Variants in GRIN2B observed in about 807,000 individuals in gnomAD.
The protein encoded by GRIN2B is glutamate receptor ionotropic, NMDA 2B.
GRIN2B carries 5 observed loss-of-function variants against 114.5 expected under a neutral mutation model. That is an observed-to-expected ratio of 0.04 (90% CI 0.02 to 0.09). The LOEUF (loss-of-function observed/expected upper bound fraction) is 0.09. Among genes scored for constraint, GRIN2B ranks in the 10% least tolerant of loss-of-function variants. The pLI is 1.00. For missense variants in GRIN2B, 1,108 were observed against 1,943.5 expected (o/e 0.57, Z 8.08); for synonymous variants, 787 against 745.1 (o/e 1.06, Z -0.92).
intron 10 of GRIN2B, among the ~76,000 whole-genome samples, chr12:13,605,551 T>TCTCTCTCTCTCACACA: frequency 4.9e-4 from 15 of 30,486 alleles, no homozygotes; most frequent in African/African-American, 8.3e-4. Flanking sequence ...TCTCTCTCTC[T>TCTCTCTCTCTCACACA]GACACACACA....
Position 13,563,000 on chromosome 12 carries a change from C to T in GRIN2B, c.4238G>A (p.Gly1413Glu), listed in dbSNP as rs1225366726. 2.5e-6 allele frequency: 4 copies of T among 1,613,502 alleles called. No homozygotes were observed. Among genetic ancestry groups the T allele is most frequent in the South Asian group, 1.1e-5 (1 of 91,078 alleles). The change falls in exon 14 of 14, where the codon GGG becomes GAG. Residue 1413 changes from glycine (G) to glutamate (E), a missense_variant. By Grantham distance (98) the Gly-to-Glu change is moderately conservative. Around this residue, in one of 19 missense-constraint regions of GRIN2B, gnomAD observed 478 missense variants for 506.0 expected, o/e 0.94. Transcript: ENST00000609686. ...SYFFRQPTVAGASKARPDFRA... is the reference protein window; with the variant it reads ...SYFFRQPTVAEASKARPDFRA... ...GAAGTCCGGCCTGGCTTTCGACGCC[C>T]CCGCCACCGTGGGCTGCCTGAAGAA... is the stretch of plus-strand genomic sequence containing the variant.
chr12:13,803,574 T>G (rs1864552386), intron 3 of GRIN2B, among the ~76,000 whole-genome samples: 1 of 152,176 alleles, frequency 6.6e-6, no homozygotes, highest in Admixed American at 6.6e-5. Flanking sequence ...AAATCTATGC[T>G]ACTATAATGT....
At chr12:13,700,309 A>G (rs924972051) in intron 4 of GRIN2B, among the ~76,000 whole-genome samples, 1 of 152,200 alleles carries the variant, frequency 6.6e-6, no homozygotes, top group Admixed American at 6.5e-5. Context: ...TTTTTCTACT[A>G]CAATGAGAAC....
At chr12:13,908,635 G>T (rs11055681) in intron 2 of GRIN2B, among the ~76,000 whole-genome samples, 25,209 of 152,024 alleles carry the variant, frequency 0.17, 2,297 homozygotes, top group Non-Finnish European at 0.19. Context: ...CCTTGCACCT[G>T]ATCTTTGAGG....
At chr12:13,956,292 G>A (rs1407173248) in intron 2 of GRIN2B, among the ~76,000 whole-genome samples, 2 of 152,182 alleles carry the variant, frequency 1.3e-5, no homozygotes, top group South Asian at 2.1e-4. Flanking sequence ...GCCCAGGCAC[G>A]CTGCGGAGGA....
chr12:13,784,139 G>T (rs1864175994), intron 3 of GRIN2B, among the ~76,000 whole-genome samples: 1 of 147,136 alleles, frequency 6.8e-6, no homozygotes, highest in African/African-American at 2.5e-5. Flanking sequence ...CAGGAGAATG[G>T]CGTGAACCTG....
At chr12:13,766,176 G>A (rs138873480) in intron 3 of GRIN2B, among the ~76,000 whole-genome samples, 1 of 152,256 alleles carries the variant, frequency 6.6e-6, no homozygotes. Context: ...TGCTTATCAG[G>A]TGCTGTAGGA....
chr12:13,905,489 TG>T (rs1866522401), intron 2 of GRIN2B, among the ~76,000 whole-genome samples: 2 of 152,370 alleles, frequency 1.3e-5, no homozygotes, highest in South Asian at 4.1e-4. Flanking sequence ...TAAGTATAGT[TG>T]TTTCATACTA....
intron 10 of GRIN2B, among the ~76,000 whole-genome samples, chr12:13,595,706 T>A (rs1949063883): frequency 6.6e-6 from 1 of 152,158 alleles, no homozygotes; most frequent in Non-Finnish European, 1.5e-5. Context: ...CAACCTGGAA[T>A]CATTGCAGTG....
At chr12:13,591,237 C>G (rs1240342842) in intron 10 of GRIN2B, among the ~76,000 whole-genome samples, 1 of 152,144 alleles carries the variant, frequency 6.6e-6, no homozygotes, top group African/African-American at 2.4e-5. Flanking sequence ...GGAAGGAGGG[C>G]TGAGTGGTGG....
chr12:13,707,549 A>G (rs74637604), intron 4 of GRIN2B, among the ~76,000 whole-genome samples: 64 of 152,254 alleles, frequency 4.2e-4, no homozygotes, highest in African/African-American at 1.4e-3. Flanking sequence ...GTGGTTATCT[A>G]AAGAAAAGTT....
chr12:13,777,001 G>A (rs74065292), intron 3 of GRIN2B, among the ~76,000 whole-genome samples: 1,974 of 152,156 alleles, frequency 0.013, 45 homozygotes, highest in African/African-American at 0.044. Flanking sequence ...CAGAGCAAGG[G>A]GACACTAATG....
Position 13,981,468 on chromosome 12 carries a change from T to C in GRIN2B, c.-574A>G, listed in dbSNP as rs1397359778. 1 of 152,082 alleles carries C rather than the reference T, an allele frequency of 6.6e-6. No homozygotes were observed. Among genetic ancestry groups the C allele is most frequent in the East Asian group, 1.9e-4 (1 of 5,146 alleles). 9.4% of individuals were successfully genotyped at this position (152,082 alleles called of 1,614,324 possible). A position where few individuals can be genotyped will look rare whatever the true frequency, so the allele number is the denominator to read the frequency against. On this transcript the variant is annotated 5_prime_UTR_variant, in exon 1 of 14. Transcript: ENST00000609686. ...TCGGGGGTTTTGAAGTTCATGACTC[T>C]TCTTTGCAAGGCAAAAGGATATGCA...
intron 3 of GRIN2B, among the ~76,000 whole-genome samples, chr12:13,825,821 A>C (rs939468653): frequency 6.6e-6 from 1 of 151,848 alleles, no homozygotes; most frequent in African/African-American, 2.4e-5. Context: ...CCGGCCAATT[A>C]ATCTCTTTTA....
At chr12:13,821,376 G>A (rs1468815758) in intron 3 of GRIN2B, among the ~76,000 whole-genome samples, 1 of 152,108 alleles carries the variant, frequency 6.6e-6, no homozygotes, top group African/African-American at 2.4e-5. Context: ...GCTAATTCTT[G>A]GCCCCAAATC....
chr12:13,850,875 G>A (rs933740994), intron 3 of GRIN2B, among the ~76,000 whole-genome samples: 1 of 151,096 alleles, frequency 6.6e-6, no homozygotes, highest in Admixed American at 6.6e-5. Context: ...CGGGCCAGTT[G>A]CTTTCCTTTC....
At chr12:13,572,051 TTAAG>T (rs1324842051) in intron 10 of GRIN2B, 87 bp from the exon 11 acceptor site, 4 of 1,049,638 alleles carry the variant, frequency 3.8e-6, no homozygotes, top group Admixed American at 4.0e-5. Flanking sequence ...TGAAGAGACA[TTAAG>T]TAAGTTAGCA....
intron 4 of GRIN2B, among the ~76,000 whole-genome samples, chr12:13,718,269 T>C (rs1950475470): frequency 6.6e-6 from 1 of 152,050 alleles, no homozygotes; most frequent in Non-Finnish European, 1.5e-5. Context: ...GCATGCCACA[T>C]ACATGCTGCT....
At chr12:13,894,396 C>T (rs1160669562) in intron 2 of GRIN2B, among the ~76,000 whole-genome samples, 1 of 151,758 alleles carries the variant, frequency 6.6e-6, no homozygotes, top group African/African-American at 2.4e-5. Flanking sequence ...TGCTAAGTAG[C>T]CTAAAAAAAT....
Sources: allele counts gnomAD v4.1 joint callset (sites outside exome capture counted in the v4.1 genomes callset), GRCh38; gene constraint gnomAD v4.1.1; regional missense constraint gnomAD v4.1.1; transcripts MANE v1.5; gene names NCBI Gene and HGNC (gene_info 2026-07-23, HGNC 2026-07-21).